The following SLC17A1 variants were observed in gnomAD, a reference collection of about 807,000 sequenced individuals.
SLC17A1 encodes sodium-dependent phosphate transport protein 1.
A neutral mutation model predicts 53.5 loss-of-function variants in SLC17A1; 51 were observed. The ratio of observed to expected loss-of-function variants is 0.95; its 90% CI spans 0.76 to 1.20. SLC17A1 has a LOEUF of 1.20. Among genes scored for constraint, SLC17A1 ranks in the 50% most tolerant of loss-of-function variants. The pLI is 0.00. For missense variants in SLC17A1, 538 were observed against 568.2 expected (o/e 0.95, Z 0.54); for synonymous variants, 179 against 198.8 (o/e 0.90, Z 0.84).
the SLC17A1 span, among the ~76,000 whole-genome samples, chr6:25,735,345 C>T: frequency 3.3e-5 from 5 of 152,120 alleles, no homozygotes; most frequent in African/African-American, 4.8e-5. Flanking sequence ...GGTGTTAAAG[C>T]CCAGAAGGGA....
At chr6:25,766,096 C>T in the SLC17A1 span, among the ~76,000 whole-genome samples, 1 of 150,318 alleles carries the variant, frequency 6.7e-6, no homozygotes, top group African/African-American at 2.4e-5. Context: ...ATTACATAAT[C>T]ATAATTAACT....
At chr6:25,730,522 T>A in the SLC17A1 span, among the ~76,000 whole-genome samples, 1 of 152,118 alleles carries the variant, frequency 6.6e-6, no homozygotes, top group Non-Finnish European at 1.5e-5. Flanking sequence ...AAGATATTGG[T>A]TAAAGGATAT....
the SLC17A1 span, among the ~76,000 whole-genome samples, chr6:25,756,816 G>A: frequency 3.3e-5 from 5 of 152,132 alleles, no homozygotes; most frequent in Non-Finnish European, 5.9e-5. Flanking sequence ...ATGAACTTGC[G>A]GCCAGTGAAC....
In SLC17A1 at chr6:25,812,900, C is replaced by T. The variant is rs1242465895; in HGVS notation, c.828G>A (p.Trp276Ter). 8 of 1,613,374 alleles carry T rather than the reference C, an allele frequency of 5.0e-6. No homozygotes were observed. The highest frequency in any genetic ancestry group is 6.8e-6 in the Non-Finnish European group (8 of 1,179,378). The change falls in exon 8 of 13, where the codon TGG becomes TGA. Residue 276 changes from tryptophan (W) to a stop codon, truncating the protein, a stop_gained. Coordinates refer to ENST00000244527, the MANE Select transcript of SLC17A1 (RefSeq NM_005074.5). LOFTEE classifies it high-confidence loss of function. ...TGTATAGTGTCATGATGTTATGTGACCAGAAAAACGTAAAACTACCAGTGG... is the reference window on the plus strand; with the variant it reads ...TGTATAGTGTCATGATGTTATGTGATCAGAAAAACGTAAAACTACCAGTGG... ...AISTGSFTFFWSHNIMTLYTP... is the reference protein window; with the variant it reads ...AISTGSFTFF
At chr6:25,806,398 T>C (rs1435603044) in intron 10 of SLC17A1, among the ~76,000 whole-genome samples, 2 of 152,080 alleles carry the variant, frequency 1.3e-5, no homozygotes, top group African/African-American at 4.8e-5. Context: ...AAAAGTCACA[T>C]ATAGCAAACA....
chr6:25,750,928 C>T, the SLC17A1 span, among the ~76,000 whole-genome samples: 4 of 152,058 alleles, frequency 2.6e-5, no homozygotes, highest in African/African-American at 9.7e-5. Flanking sequence ...GGAGCCAAGA[C>T]CTGTGAAAAA....
At chr6:25,760,355 C>T in the SLC17A1 span, among the ~76,000 whole-genome samples, 1 of 152,212 alleles carries the variant, frequency 6.6e-6, no homozygotes. Flanking sequence ...ATTAATTTCT[C>T]CCCTTCTGTA....
chr6:25,764,344 G>A, the SLC17A1 span, among the ~76,000 whole-genome samples: 4 of 152,182 alleles, frequency 2.6e-5, no homozygotes, highest in Non-Finnish European at 5.9e-5. Flanking sequence ...CATATCAAAT[G>A]CCTGCAGGAA....
At chr6:25,750,441 C>T in the SLC17A1 span, among the ~76,000 whole-genome samples, 1 of 152,134 alleles carries the variant, frequency 6.6e-6, no homozygotes, top group African/African-American at 2.4e-5. Context: ...TGTAGACTTA[C>T]TGAGTTGAAA....
chr6:25,813,696 A>T (rs887637456), intron 6 of SLC17A1, among the ~76,000 whole-genome samples: 2 of 152,206 alleles, frequency 1.3e-5, no homozygotes, highest in Non-Finnish European at 2.9e-5. Context: ...AGTATCCATT[A>T]GTTATTTTTC....
At chr6:25,730,851 A>T in the SLC17A1 span, among the ~76,000 whole-genome samples, 15 of 152,356 alleles carry the variant, frequency 9.8e-5, no homozygotes, top group African/African-American at 3.1e-4. Context: ...TGAGATCATG[A>T]GTATGCAGAC....
intron 6 of SLC17A1, among the ~76,000 whole-genome samples, chr6:25,815,598 C>T (rs922615638): frequency 5.3e-5 from 8 of 152,060 alleles, no homozygotes; most frequent in South Asian, 2.1e-4. Flanking sequence ...ACCAGACATT[C>T]GCTATAGGAA....
chr6:25,781,904 G>C (rs1385459007), downstream of SLC17A1, among the ~76,000 whole-genome samples: 2 of 152,224 alleles, frequency 1.3e-5, no homozygotes, highest in Non-Finnish European at 2.9e-5. Context: ...AGGCAAGAAA[G>C]TAGCTGCAAA....
chr6:25,812,730 T>C, intron 8 of SLC17A1, 101 bp downstream of exon 8: 1 of 781,030 alleles, frequency 1.3e-6, no homozygotes, highest in Non-Finnish European at 2.0e-6. Context: ...AGCCAGATAG[T>C]GTGAGGAGCT....
At position 25,819,715 on chromosome 6, in the gene SLC17A1, G is replaced by T; in HGVS notation, c.408C>A (p.Val136=). ...PPAAGIGVAW[V]VVCRAVQGAA... ...CTCCCTGAACTGCTCGACATACAAC[G>T]ACCCAAGCTACTCCAATTCCAGCTG... The change falls in exon 4 of 13, where the codon GTC becomes GTA. Residue 136 remains valine, a synonymous_variant. Transcript: ENST00000244527. 1.2e-6 allele frequency: 2 copies of T among 1,614,098 alleles called. No individual in the cohort carries two copies. The highest frequency in any genetic ancestry group is 2.2e-5 in the South Asian group (2 of 91,062).
the SLC17A1 span, chr6:25,761,982 T>C: frequency 6.2e-7 from 1 of 1,613,382 alleles, no homozygotes; most frequent in East Asian, 2.2e-5. Flanking sequence ...GGACCAGATG[T>C]CAAGGCTACA....
chr6:25,745,175 C>T, the SLC17A1 span, among the ~76,000 whole-genome samples: 978 of 152,198 alleles, frequency 6.4e-3, 6 homozygotes, highest in Non-Finnish European at 0.011. Flanking sequence ...AGAATTTTTA[C>T]AAGAAATAGT....
At chr6:25,724,869 T>C in the SLC17A1 span, among the ~76,000 whole-genome samples, 1 of 105,926 alleles carries the variant, frequency 9.4e-6, no homozygotes, top group African/African-American at 3.5e-5. Context: ...CATCCCTTAT[T>C]TATTATGTAT....
the SLC17A1 span, chr6:25,761,853 A>G: frequency 7.3e-6 from 6 of 819,632 alleles, no homozygotes; most frequent in Non-Finnish European, 1.1e-5. Flanking sequence ...ATTTGCTCCT[A>G]GTTCTTAGAA....
Sources: allele counts gnomAD v4.1 joint callset (sites outside exome capture counted in the v4.1 genomes callset), GRCh38; gene constraint gnomAD v4.1.1; transcripts MANE v1.5; gene names NCBI Gene and HGNC (gene_info 2026-07-23, HGNC 2026-07-21).